The following UNC5B variants were observed in gnomAD, a reference collection of about 807,000 sequenced individuals.
The protein encoded by UNC5B is unc-5 netrin receptor B, also known as netrin receptor UNC5B.
A neutral mutation model predicts 103.7 loss-of-function variants in UNC5B; 56 were observed. The observed-to-expected ratio is 0.54, with a 90% CI of 0.44 to 0.67. The LOEUF (loss-of-function observed/expected upper bound fraction) is 0.67, where lower values mean the gene tolerates loss of function less well. Ranked by LOEUF, UNC5B falls within the 30% of genes least tolerant of loss-of-function variation. The pLI is 0.00. For missense variants in UNC5B, 1,194 were observed against 1,284.5 expected (o/e 0.93, Z 1.08); for synonymous variants, 577 against 542.0 (o/e 1.06, Z -0.90).
intron 3 of UNC5B, 40 bp from the exon 4 acceptor site, chr10:71,285,286 C>G (rs1215492740): frequency 6.4e-7 from 1 of 1,560,690 alleles, no homozygotes. Flanking sequence ...TCTGATCCTG[C>G]CCGCACCTGA....
rs375741576 is a variant in UNC5B at position 71,291,597 on chromosome 10, C to T, written c.1460C>T (p.Ser487Phe). The T allele has an allele frequency of 1.6e-5, 26 of 1,614,012 alleles. No individual in the cohort carries two copies. The Middle Eastern group carries it at 6.6e-4, about 41-fold the overall frequency. Reference protein sequence around the residue: ...LPSLKVKVYSSSTTGSGPGLA... With the variant: ...LPSLKVKVYSFSTTGSGPGLA... ...AGCCTTAAGGTCAAGGTCTACAGCT[C>T]CAGCACCACGGGCTCTGGGCCAGGC... Residue 487 changes from serine (S) to phenylalanine (F), a missense_variant, in exon 10 of 17, where the codon TCC becomes TTC. Physicochemically the swap from Ser to Phe is radical, Grantham distance 155. Transcript: ENST00000335350.
chr10:71,291,208 G>T, intron 9 of UNC5B, 99 bp downstream of exon 9: 1 of 1,454,564 alleles, frequency 6.9e-7, no homozygotes, highest in Non-Finnish European at 9.3e-7. Flanking sequence ...CTCCCTCCCA[G>T]GGTTTTTCCA....
intron 2 of UNC5B, among the ~76,000 whole-genome samples, chr10:71,280,729 A>G (rs990828968): frequency 3.3e-5 from 5 of 152,212 alleles, no homozygotes; most frequent in Non-Finnish European, 7.3e-5. Flanking sequence ...GCCTGCCCCC[A>G]GGGTGCCCTC....
At chr10:71,229,230 A>G (rs569277148) in intron 1 of UNC5B, among the ~76,000 whole-genome samples, 1 of 152,326 alleles carries the variant, frequency 6.6e-6, no homozygotes, top group Admixed American at 6.5e-5. Flanking sequence ...AGGATTGGTC[A>G]GAGAGAGTGG....
At chr10:71,264,971 TAA>T (rs34240729) in intron 1 of UNC5B, among the ~76,000 whole-genome samples, 14,093 of 120,860 alleles carry the variant, frequency 0.12, 1,345 homozygotes, top group African/African-American at 0.3. Context: ...CCTGTCTCTA[TAA>T]AAAAAAAAAA....
chr10:71,277,204 G>A (rs940946190), intron 1 of UNC5B, among the ~76,000 whole-genome samples: 3 of 152,260 alleles, frequency 2.0e-5, no homozygotes, highest in Non-Finnish European at 4.4e-5. Flanking sequence ...TCACCCCGGG[G>A]CTGGGGGTGG....
intron 13 of UNC5B, among the ~76,000 whole-genome samples, chr10:71,294,188 A>G (rs890505166): frequency 2.0e-5 from 3 of 152,168 alleles, no homozygotes; most frequent in African/African-American, 7.2e-5. Flanking sequence ...GGACTGAGGG[A>G]GCATCAGACT....
At chr10:71,255,080 A>T (rs192925598) in intron 1 of UNC5B, among the ~76,000 whole-genome samples, 1 of 152,206 alleles carries the variant, frequency 6.6e-6, no homozygotes. Flanking sequence ...TACACTTAAC[A>T]TTATTCCATG....
Position 71,285,317 on chromosome 10 carries a change from T to C in UNC5B, c.449-9T>C. On this transcript the variant is annotated splice_polypyrimidine_tract_variant and intron_variant, in intron 3 of 16. Transcript: ENST00000335350. Reference sequence around the variant, plus strand: ...CCTGACTGCCTTGGGACCCTCTCGCTTCTCCCAGACCTGCGCAAGAACTTC... The same window carrying C: ...CCTGACTGCCTTGGGACCCTCTCGCCTCTCCCAGACCTGCGCAAGAACTTC... 6.2e-7 allele frequency: 1 copy of C among 1,605,706 alleles called. No homozygotes were observed. The highest frequency in any genetic ancestry group is 8.5e-7 in the Non-Finnish European group (1 of 1,176,654).
intron 1 of UNC5B, among the ~76,000 whole-genome samples, chr10:71,230,692 C>T (rs1201239631): frequency 6.6e-6 from 1 of 152,264 alleles, no homozygotes; most frequent in Non-Finnish European, 1.5e-5. Flanking sequence ...AATTCTAGAT[C>T]CCACCAAATT....
At chr10:71,288,843 AG>A (rs1845164895) in intron 7 of UNC5B, 111 bp downstream of exon 7, 2 of 1,558,526 alleles carry the variant, frequency 1.3e-6, no homozygotes, top group Middle Eastern at 1.7e-4. Flanking sequence ...GGCAGTCCTC[AG>A]GGCCTCTGTC....
chr10:71,257,266 CCT>C (rs752265804), intron 1 of UNC5B, among the ~76,000 whole-genome samples: 1 of 152,232 alleles, frequency 6.6e-6, no homozygotes, highest in Non-Finnish European at 1.5e-5. Flanking sequence ...CTCTCCTGAG[CCT>C]CTCTCTGTGT....
chr10:71,224,830 C>T (rs976384869), intron 1 of UNC5B, among the ~76,000 whole-genome samples: 12 of 152,198 alleles, frequency 7.9e-5, no homozygotes, highest in Non-Finnish European at 1.5e-4. Context: ...CCACAGAGCC[C>T]GCCTTCTTTC....
intron 13 of UNC5B, 26 bp from the exon 14 acceptor site, chr10:71,295,785 C>T (rs372710225): frequency 6.8e-6 from 11 of 1,606,160 alleles, no homozygotes; most frequent in Non-Finnish European, 9.3e-6. Context: ...TGATGGGTTC[C>T]CCTTCCCCAT....
Position 71,213,015 on chromosome 10 carries a change from G to GCTGCTGCTGGCA in UNC5B, c.39_50dup (p.Ala14_Leu17dup). 7.1e-7 allele frequency: 1 copy of GCTGCTGCTGGCA among 1,414,926 alleles called. No homozygotes were observed. Among genetic ancestry groups the GCTGCTGCTGGCA allele is most frequent in the Non-Finnish European group, 9.3e-7 (1 of 1,078,338 alleles). The allele number at this position is 1,414,926 out of a possible 1,614,324, so 87.6% of individuals were successfully genotyped here. On this transcript the variant is annotated inframe_insertion, in exon 1 of 17. Transcript: ENST00000335350. The surrounding 1 kb of genome is among the most constrained non-coding windows in gnomAD (Gnocchi z 4.1). Reference sequence around the variant, plus strand: ...GGGCCCGGAGCGGAGCTCGGGGCGCGCTGCTGCTGGCACTGCTGCTCTGCT... The same window carrying GCTGCTGCTGGCA: ...GGGCCCGGAGCGGAGCTCGGGGCGCGCTGCTGCTGGCACTGCTGCTGGCACTGCTGCTCTGCT...
intron 1 of UNC5B, among the ~76,000 whole-genome samples, chr10:71,257,755 C>T (rs1844325465): frequency 6.6e-6 from 1 of 152,238 alleles, no homozygotes; most frequent in African/African-American, 2.4e-5. Flanking sequence ...ACAACCGCGC[C>T]TGTTGTAGGG....
chr10:71,279,759 C>A, intron 1 of UNC5B, 62 bp from the exon 2 acceptor site: 2 of 1,535,526 alleles, frequency 1.3e-6, no homozygotes, highest in Admixed American at 1.9e-5. Context: ...CCGGGGTGGG[C>A]GAGGGGTGCC....
In UNC5B at chr10:71,299,234, A is replaced by G. The variant is rs777834858; in HGVS notation, c.2795A>G (p.Lys932Arg). 1.2e-6 allele frequency: 2 copies of G among 1,614,114 alleles called. No individual in the cohort carries two copies. Among genetic ancestry groups the G allele is most frequent in the Admixed American group, 3.3e-5 (2 of 60,008 alleles). ...GCGAGTGCCTTGGAGGAGATGGGCA[A>G]GAGTGAGATGCTGGTGGCTGTGGCC... is the stretch of plus-strand genomic sequence containing the variant. ...SLASALEEMG[K>R]SEMLVAVATD... Residue 932 changes from lysine to arginine, a missense_variant, in exon 17 of 17, where the codon AAG becomes AGG. Lys to Arg is a conservative substitution (Grantham distance 26). Coordinates refer to ENST00000335350, the MANE Select transcript of UNC5B (RefSeq NM_170744.5).
intron 1 of UNC5B, among the ~76,000 whole-genome samples, chr10:71,248,848 GTC>G (rs540721859): frequency 0.026 from 3,797 of 146,350 alleles, 81 homozygotes; most frequent in East Asian, 0.1. Flanking sequence ...CCCTCTCTCT[GTC>G]TCTCTCTCTC....
Sources: gnomAD v4.1 joint callset for allele counts (sites outside exome capture counted in the v4.1 genomes callset) on GRCh38, gnomAD v4.1.1 for gene constraint, Gnocchi (gnomAD v3.1) non-coding constraint, MANE v1.5 for transcripts, NCBI Gene and HGNC (gene_info 2026-07-23, HGNC 2026-07-21) for gene names.